THBS2: variants seen among roughly 807,000 people sequenced by gnomAD.
THBS2 encodes the protein thrombospondin-2.
A neutral mutation model predicts 135.2 loss-of-function variants in THBS2; 47 were observed. The observed-to-expected ratio is 0.35, with a 90% confidence interval of 0.28 to 0.44. THBS2 has a LOEUF of 0.44. THBS2 is among the 20% of genes least tolerant of loss of function. The probability of loss-of-function intolerance (pLI) is 1.00; values close to 1 mark genes in which losing one functional copy is unlikely to be tolerated. For missense variants in THBS2, 1,288 were observed against 1,603.1 expected, an observed-to-expected ratio of 0.80 and a Z score of 3.36; for synonymous variants, 639 against 633.8, an observed-to-expected ratio of 1.01 and a Z score of -0.12.
At chr6:169,239,575 C>T (rs373381735) in intron 7 of THBS2, 24 bp downstream of exon 7, 33 of 1,565,884 alleles carry the variant, frequency 2.1e-5, no homozygotes, top group South Asian at 3.5e-5. Flanking sequence ...ATGCAGGATG[C>T]GCTTGCCGGC....
chr6:169,241,721 C>A lies in THBS2; in HGVS notation c.891+41G>T. On this transcript the variant is annotated intron_variant, in intron 5 of 21. Coordinates refer to ENST00000617924, the MANE Select transcript of THBS2 (RefSeq NM_003247.5). This position sits in a 1 kb window ranked among gnomAD's most constrained non-coding sequence, Gnocchi z 5.5. ...TGAGATGGGCCAGCGGCGGAGCTGC[C>A]CATGCCCTATGACCCCCGCGGCCCC... The A allele has an allele frequency of 6.4e-7, 1 of 1,562,646 alleles. No homozygotes were observed. The highest frequency in any genetic ancestry group is 8.7e-7 in the Non-Finnish European group (1 of 1,146,126).
intron 1 of THBS2, among the ~76,000 whole-genome samples, chr6:169,251,482 G>A (rs1012845739): frequency 3.9e-5 from 6 of 152,116 alleles, no homozygotes; most frequent in African/African-American, 7.2e-5. Context: ...GGCTGGCCCC[G>A]AAGTCAGGAG....
chr6:169,221,497 T>C lies in THBS2; in HGVS notation c.3304A>G (p.Ile1102Val), dbSNP rs781753337. Residue 1102 changes from isoleucine to valine, a missense_variant, in exon 20 of 22, where the codon ATT (isoleucine) becomes GTT (valine). Ile to Val is a conservative substitution (Grantham distance 29). This residue lies in a region of THBS2 where 874 missense variants were observed against 1,156.1 expected (regional missense o/e 0.76). Coordinates refer to ENST00000617924, the MANE Select transcript of THBS2 (RefSeq NM_003247.5). Reference sequence around the variant, plus strand: ...TAGGCCGTGTAGTCCTTCCAGCCAATGTTCCTGGGGTCGTGCCATAAGGTT... The same window carrying C: ...TAGGCCGTGTAGTCCTTCCAGCCAACGTTCCTGGGGTCGTGCCATAAGGTT... ...VRTLWHDPRNIGWKDYTAYRW... is the reference protein window; with the variant it reads ...VRTLWHDPRNVGWKDYTAYRW... 5.6e-6 allele frequency: 9 copies of C among 1,613,904 alleles called. No individual in the cohort carries two copies. In the African/African-American group the frequency reaches 1.1e-4, roughly 19 times the overall value.
At chr6:169,247,433 G>A (rs906693397) in intron 3 of THBS2, among the ~76,000 whole-genome samples, 7 of 152,146 alleles carry the variant, frequency 4.6e-5, no homozygotes, top group South Asian at 2.1e-4. Flanking sequence ...GTATGTATAC[G>A]TGTGTATGAG....
At chr6:169,235,342 A>G (rs1054406988) in intron 9 of THBS2, among the ~76,000 whole-genome samples, 12 of 151,910 alleles carry the variant, frequency 7.9e-5, no homozygotes, top group African/African-American at 2.7e-4. Flanking sequence ...ATTTACACCG[A>G]GAAGCTCAGA....
At chr6:169,250,953 C>A in intron 1 of THBS2, 147 bp from the exon 2 acceptor site, 1 of 518,846 alleles carries the variant, frequency 1.9e-6, no homozygotes, top group South Asian at 3.3e-5. Flanking sequence ...AAACTGAGAG[C>A]GAAGGAGGAA....
chr6:169,219,921 G>C, intron 21 of THBS2: 1 of 586,446 alleles, frequency 1.7e-6, no homozygotes, highest in Non-Finnish European at 3.2e-6. Context: ...AGGAAATCTA[G>C]GAAACTCTAG....
At chr6:169,244,863 G>A (rs1334738290) in intron 4 of THBS2, among the ~76,000 whole-genome samples, 1 of 152,118 alleles carries the variant, frequency 6.6e-6, no homozygotes, top group Non-Finnish European at 1.5e-5. Context: ...GTTGGTCTTA[G>A]AACACCCTTC....
At chr6:169,219,084 TTGA>T (rs1048843343) in intron 21 of THBS2, among the ~76,000 whole-genome samples, 2 of 145,904 alleles carry the variant, frequency 1.4e-5, no homozygotes, top group African/African-American at 5.1e-5. Flanking sequence ...GATGGATGTA[TTGA>T]TAGGTGGATG....
chr6:169,235,034 C>G, intron 9 of THBS2, 127 bp from the exon 10 acceptor site: 1 of 967,916 alleles, frequency 1.0e-6, no homozygotes, highest in South Asian at 1.8e-5. Context: ...ACTGGTTTCT[C>G]CCCAGGTTGG....
In THBS2 at chr6:169,237,283, A is replaced by G. The variant is rs775980008; in HGVS notation, c.1364T>C (p.Val455Ala). The G allele has an allele frequency of 1.2e-6, 2 of 1,613,392 alleles. No homozygotes were observed. The highest frequency in any genetic ancestry group is 3.3e-5 in the Admixed American group (2 of 60,022). Residue 455 changes from valine to alanine, a missense_variant, in exon 9 of 22, where the codon GTT (valine) becomes GCT (alanine). Physicochemically the swap from Val to Ala is moderately conservative, Grantham distance 64. Transcript: ENST00000617924. ...GAGACGGATGCGTGTGATATTGCCA[A>G]CTCCACAGGTCACAGAGCATGAAGA... ...PWSSCSVTCG[V>A]GNITRIRLCN... is the part of the protein sequence containing the mutation.
Position 169,222,277 on chromosome 6 carries a change from G to T in THBS2, c.3193C>A (p.Leu1065Ile), listed in dbSNP as rs1289052637. 3 of 1,613,194 alleles carry T rather than the reference G, an allele frequency of 1.9e-6. No individual in the cohort carries two copies. The highest frequency in any genetic ancestry group is 2.5e-6 in the Non-Finnish European group (3 of 1,180,050). Residue 1065 changes from leucine (L) to isoleucine (I), a missense_variant, in exon 19 of 22, where the codon CTC becomes ATC. By Grantham distance (5) the Leu-to-Ile change is conservative (BLOSUM62 2). Transcript: ENST00000617924. ...CCCGTGGTGGAGTTCACCACCTTGA[G>T]GGACACGCCGGAGTAGCCATAGGCC... The part of the protein sequence containing the change: ...TRAYGYSGVS[L>I]KVVNSTTGTG...
rs762665631 is a variant in THBS2 at position 169,225,150 on chromosome 6, A to C, written c.2768T>G (p.Leu923Trp). 2.5e-6 allele frequency: 4 copies of C among 1,614,022 alleles called. No homozygotes were observed. The highest frequency in any genetic ancestry group is 1.3e-5 in the African/African-American group (1 of 74,918). Reference protein sequence around the residue: ...RLVFNPDQEDLDGDGRGDICK... With the variant: ...RLVFNPDQEDWDGDGRGDICK... ...TGAGCTGAGAGAGCACCCACCGTCC[A>C]AGTCCTCCTGGTCTGGGTTGAACAC... Residue 923 changes from leucine (L) to tryptophan (W), a missense_variant, in exon 17 of 22, where the codon TTG (leucine) becomes TGG (tryptophan). By Grantham distance (61) the Leu-to-Trp change is moderately conservative. Coordinates refer to ENST00000617924, the MANE Select transcript of THBS2 (RefSeq NM_003247.5).
intron 1 of THBS2, 81 bp downstream of exon 1, chr6:169,253,643 G>A (rs890326074): frequency 1.3e-5 from 2 of 152,172 alleles, no homozygotes; most frequent in South Asian, 2.1e-4. Context: ...TTTCTTCTCC[G>A]CTTCTTAGAG....
chr6:169,225,239 G>T lies in THBS2; in HGVS notation c.2679C>A (p.Gly893=), dbSNP rs760152665. 9.3e-6 allele frequency: 15 copies of T among 1,613,596 alleles called. No individual in the cohort carries two copies. The East Asian group carries it at 2.9e-4, about 31-fold the overall frequency. Residue 893 remains glycine, a synonymous_variant, in exon 17 of 22, where the codon GGC becomes GGA. Transcript: ENST00000617924. ...TGTCATCATCAGGGTCACAGGCGTCGCCCTGGCCGTCTCTGTCATGGTCAG... is the reference window on the plus strand; with the variant it reads ...TGTCATCATCAGGGTCACAGGCGTCTCCCTGGCCGTCTCTGTCATGGTCAG... ...NQADHDRDGQ[G]DACDPDDDND...
At chr6:169,221,588 G>T in intron 19 of THBS2, 61 bp from the exon 20 acceptor site, 1 of 1,476,806 alleles carries the variant, frequency 6.8e-7, no homozygotes. Context: ...CCACAGCTCT[G>T]TAACACCAAG....
intron 21 of THBS2, among the ~76,000 whole-genome samples, chr6:169,218,760 GGT>G (rs1779296750): frequency 1.4e-5 from 2 of 146,026 alleles, no homozygotes; most frequent in East Asian, 2.2e-4. Flanking sequence ...TGGATGGATG[GGT>G]GGGTGGGTGG....
At chr6:169,218,476 TGG>T (rs369652335) in intron 21 of THBS2, among the ~76,000 whole-genome samples, 1 of 55,356 alleles carries the variant, frequency 1.8e-5, no homozygotes, top group Non-Finnish European at 3.5e-5. Context: ...GATAGATGAG[TGG>T]GGGTGGATGA....
chr6:169,251,481 C>T (rs1052558253), intron 1 of THBS2, among the ~76,000 whole-genome samples: 5 of 152,252 alleles, frequency 3.3e-5, no homozygotes, highest in African/African-American at 4.8e-5. Context: ...AGGCTGGCCC[C>T]GAAGTCAGGA....
Sources: allele counts gnomAD v4.1 joint callset (sites outside exome capture counted in the v4.1 genomes callset), GRCh38; gene constraint gnomAD v4.1.1; regional missense constraint gnomAD v4.1.1; non-coding constraint Gnocchi (gnomAD v3.1); transcripts MANE v1.5; gene names NCBI Gene and HGNC (gene_info 2026-07-23, HGNC 2026-07-21).